Variants in ACTN4 observed in about 807,000 individuals in gnomAD.
ACTN4 encodes the protein actinin alpha 4, also known as alpha-actinin-4.
Under a neutral mutation model 114.2 loss-of-function variants are expected in ACTN4, and 18 were observed. That is an observed-to-expected ratio of 0.16 (90% CI 0.11 to 0.23). ACTN4 has a LOEUF of 0.23. ACTN4 is among the 10% of genes least tolerant of loss of function. The pLI is 1.00. For missense variants in ACTN4, 722 were observed against 1,262.9 expected, an observed-to-expected ratio of 0.57 and a Z score of 6.49; for synonymous variants, 515 against 506.3, an observed-to-expected ratio of 1.02 and a Z score of -0.23.
chr19:38,667,108 A>G (rs1966986000), intron 1 of ACTN4, among the ~76,000 whole-genome samples: 1 of 152,228 alleles, frequency 6.6e-6, no homozygotes, highest in Non-Finnish European at 1.5e-5. Context: ...GAAAAAAACA[A>G]CAACACAAAA....
chr19:38,723,577 C>T (rs1969119618), intron 12 of ACTN4, 37 bp from the exon 13 acceptor site: 1 of 1,508,250 alleles, frequency 6.6e-7, no homozygotes, highest in African/African-American at 1.4e-5. Flanking sequence ...AGCCACTTGC[C>T]CTTGCCGAGT....
chr19:38,731,077 CAT>C lies in ACTN4; in HGVS notation c.*1646_*1647del, dbSNP rs752624900. ...CACCAGTCCCCGTACCCCTTCCCCC[CAT>C]GCCCCACCATGCCGGGGTGGTACTC... On this transcript the variant is annotated 3_prime_UTR_variant, in exon 21 of 21. Transcript: ENST00000252699. The C allele has an allele frequency of 9.1e-7, 1 of 1,093,446 alleles. No homozygotes were observed. Among genetic ancestry groups the C allele is most frequent in the Non-Finnish European group, 1.3e-6 (1 of 778,210 alleles). The allele number at this position is 1,093,446 out of a possible 1,614,324, so 67.7% of individuals were successfully genotyped here.
chr19:38,707,344 C>T (rs61432695), intron 5 of ACTN4, among the ~76,000 whole-genome samples: 7,372 of 151,990 alleles, frequency 0.049, 281 homozygotes, highest in African/African-American at 0.096. Context: ...CACCACAGCG[C>T]GGGGACCAGC....
intron 1 of ACTN4, among the ~76,000 whole-genome samples, chr19:38,686,806 G>A (rs969269408): frequency 1.3e-5 from 2 of 152,144 alleles, no homozygotes; most frequent in Admixed American, 1.3e-4. Flanking sequence ...TTGGTTGGTT[G>A]GTTTCCCATG....
At chr19:38,720,985 C>T (rs1969020087) in intron 11 of ACTN4, among the ~76,000 whole-genome samples, 1 of 152,252 alleles carries the variant, frequency 6.6e-6, no homozygotes, top group African/African-American at 2.4e-5. Context: ...CAGCGTTCCT[C>T]CTTTCCTTTA....
rs66959926 is a variant in ACTN4, at chr19:38,649,272, T to TGG, written c.162+1373_162+1374dup. On this transcript the variant is annotated intron_variant, in intron 1 of 20. Coordinates refer to ENST00000252699, the MANE Select transcript of ACTN4 (RefSeq NM_004924.6). ...TCCCCGAGCGAGGTGTCAGTGTCTG[T>TGG]GGGGGGGGGATAAATCCAGTGTGGT... Among the ~76,000 whole-genome samples the TGG allele has an allele frequency of 1.9e-3, 116 of 59,682 alleles. 1 individual carries two copies. The highest frequency in any genetic ancestry group is 7.7e-3 in the African/African-American group (111 of 14,372). The allele number at this position is 59,682 out of a possible 152,430, so 39.2% of individuals were successfully genotyped here.
intron 17 of ACTN4, among the ~76,000 whole-genome samples, 177 bp downstream of exon 17, chr19:38,726,080 G>T (rs1969223643): frequency 6.6e-6 from 1 of 152,166 alleles, no homozygotes; most frequent in South Asian, 2.1e-4. Flanking sequence ...TTGAGCCCAG[G>T]AGTTCAAGAC....
intron 3 of ACTN4, among the ~76,000 whole-genome samples, chr19:38,704,184 G>A (rs114773714): frequency 0.01 from 1,560 of 152,340 alleles, 26 homozygotes; most frequent in African/African-American, 0.036. Flanking sequence ...TGTGGCATGC[G>A]TCTGTGGTCC....
Position 38,706,130 on chromosome 19 carries a change from A to G in ACTN4, c.571A>G (p.Ser191Gly). The G allele has an allele frequency of 6.2e-7, 1 of 1,613,626 alleles. No individual in the cohort carries two copies. The highest frequency in any genetic ancestry group is 8.5e-7 in the Non-Finnish European group (1 of 1,179,542). Residue 191 changes from serine (S) to glycine (G), a missense_variant and splice_region_variant, in exon 5 of 21, where the codon AGC (serine) becomes GGC (glycine). By Grantham distance (56) the Ser-to-Gly change is moderately conservative (BLOSUM62 0). This residue lies in a region of ACTN4 where 127 missense variants were observed against 311.3 expected (regional missense o/e 0.41). Coordinates refer to ENST00000252699, the MANE Select transcript of ACTN4 (RefSeq NM_004924.6). The part of the protein sequence containing the change: ...KNVNVQNFHI[S>G]WKDGLAFNAL... The stretch of plus-strand genomic sequence containing the variant: ...CGTCAATGTGCAGAACTTCCACATC[A>G]GGTAAGCGCCAGTCCTGGTCATCCT...
intron 9 of ACTN4, 59 bp downstream of exon 9, chr19:38,714,620 G>A (rs1968778754): frequency 1.3e-6 from 2 of 1,551,178 alleles, no homozygotes; most frequent in African/African-American, 2.7e-5. Context: ...AGAGGTCACT[G>A]TGACTCTTGC....
chr19:38,728,439 T>TCCCCC, intron 19 of ACTN4: 1 of 922,208 alleles, frequency 1.1e-6, no homozygotes. Flanking sequence ...CTCCTCCTCC[T>TCCCCC]CCTCCTCCTC....
At chr19:38,654,625 C>CACTG (rs1976663121) in intron 1 of ACTN4, among the ~76,000 whole-genome samples, 2 of 151,560 alleles carry the variant, frequency 1.3e-5, no homozygotes, top group African/African-American at 2.4e-5. Flanking sequence ...CTGGCAAGAG[C>CACTG]ATCCTTACAT....
In ACTN4 at chr19:38,691,501, T is replaced by G. The variant is rs546253855; in HGVS notation, c.163-9099T>G. On this transcript the variant is annotated intron_variant, in intron 1 of 20. Coordinates refer to ENST00000252699, the MANE Select transcript of ACTN4 (RefSeq NM_004924.6). Reference sequence around the variant, plus strand: ...CAGAGTCCAGGAAGGCCTCCTGGGTTGCTGACATTTGAGGCAAGTCCTGAG... The same window carrying G: ...CAGAGTCCAGGAAGGCCTCCTGGGTGGCTGACATTTGAGGCAAGTCCTGAG... Among the ~76,000 whole-genome samples the G allele has an allele frequency of 1.2e-4, 18 of 151,602 alleles. No homozygotes were observed. The South Asian group carries it at 3.8e-3, about 32-fold the overall frequency.
intron 1 of ACTN4, among the ~76,000 whole-genome samples, chr19:38,659,065 C>CTTTTTTTTTTTTTTTTTTTTTTTTTTTT (rs577141157): frequency 1.8e-5 from 2 of 111,692 alleles, no homozygotes; most frequent in African/African-American, 6.5e-5. Context: ...CTTTTCTTTT[C>CTTTTTTTTTTTTTTTTTTTTTTTTTTTT]TTTTTTTTTT....
chr19:38,664,977 C>G (rs558295567), intron 1 of ACTN4, among the ~76,000 whole-genome samples: 8 of 152,240 alleles, frequency 5.3e-5, no homozygotes, highest in African/African-American at 1.9e-4. Flanking sequence ...GGAGGAGCCA[C>G]CTGCTCAGCT....
At position 38,730,811 on chromosome 19, in the gene ACTN4, G is replaced by A. The variant is rs1360923842; in HGVS notation, c.*1379G>A. On this transcript the variant is annotated 3_prime_UTR_variant, in exon 21 of 21. Coordinates refer to ENST00000252699, the MANE Select transcript of ACTN4 (RefSeq NM_004924.6). ...AGGCCTAGGGAGGTGGTCTTGCTCA[G>A]CAACCCTGCCCTGAGCAGCAGGTGC... is the stretch of plus-strand genomic sequence containing the variant. 1.3e-6 allele frequency: 2 copies of A among 1,549,970 alleles called. No individual in the cohort carries two copies. Among genetic ancestry groups the A allele is most frequent in the Non-Finnish European group, 1.7e-6 (2 of 1,146,836 alleles).
At chr19:38,728,071 C>T (rs555770318) in intron 19 of ACTN4, 45 bp downstream of exon 19, 8 of 1,556,864 alleles carry the variant, frequency 5.1e-6, no homozygotes, top group African/African-American at 1.4e-5. Context: ...TAACTGCTCT[C>T]TCTCTCTCTC....
At position 38,700,597 on chromosome 19, in the gene ACTN4, C is replaced by T. The variant is rs549234341; in HGVS notation, c.163-3C>T. Reference sequence around the variant, plus strand: ...CGCACTGTCCTTTGTTCTGCTTCCCCAGACCTTCACGGCATGGTGCAACTC... The same window carrying T: ...CGCACTGTCCTTTGTTCTGCTTCCCTAGACCTTCACGGCATGGTGCAACTC... On this transcript the variant is annotated splice_region_variant and splice_polypyrimidine_tract_variant and intron_variant, in intron 1 of 20. Transcript: ENST00000252699. 6.2e-7 allele frequency: 1 copy of T among 1,612,702 alleles called. No homozygotes were observed. The highest frequency in any genetic ancestry group is 8.5e-7 in the Non-Finnish European group (1 of 1,178,680).
At chr19:38,657,018 C>G (rs973305841) in intron 1 of ACTN4, among the ~76,000 whole-genome samples, 6 of 152,088 alleles carry the variant, frequency 3.9e-5, no homozygotes, top group African/African-American at 1.4e-4. Context: ...CACTGTCACC[C>G]AGGCTGGAGT....
Sources: gnomAD v4.1 joint callset for allele counts (sites outside exome capture counted in the v4.1 genomes callset) on GRCh38, gnomAD v4.1.1 for gene constraint, gnomAD v4.1.1 regional missense constraint, MANE v1.5 for transcripts, NCBI Gene and HGNC (gene_info 2026-07-23, HGNC 2026-07-21) for gene names.